Variants in ALDH1L1 observed in about 807,000 individuals in gnomAD.
The protein encoded by ALDH1L1 is aldehyde dehydrogenase 1 family member L1.
Under a neutral mutation model 101.1 loss-of-function variants are expected in ALDH1L1, and 68 were observed. The observed-to-expected ratio is 0.67, with a 90% CI of 0.55 to 0.82. The LOEUF is 0.82. ALDH1L1 is among the 40% of genes least tolerant of loss of function. The probability of loss-of-function intolerance (pLI) is 0.00; values close to 1 mark genes in which losing one functional copy is unlikely to be tolerated. For synonymous variants in ALDH1L1, 486 were observed against 470.8 expected (o/e 1.03, Z -0.42); for missense variants, 1,087 against 1,172.7 (o/e 0.93, Z 1.07).
chr3:126,157,646 A>G (rs543021125), intron 3 of ALDH1L1, 138 bp from the exon 4 acceptor site: 1 of 935,568 alleles, frequency 1.1e-6, no homozygotes, highest in African/African-American at 1.7e-5. Flanking sequence ...TCCGGCGGGA[A>G]ACGGAAGAAG....
At chr3:126,132,146 G>A (rs542431251) in intron 12 of ALDH1L1, among the ~76,000 whole-genome samples, 4 of 152,218 alleles carry the variant, frequency 2.6e-5, no homozygotes, top group Non-Finnish European at 5.9e-5. Flanking sequence ...TGCAGCTGTG[G>A]GCAGCCTGGG....
At chr3:126,197,279 T>G (rs2081586773) in intron 1 of ALDH1L1, among the ~76,000 whole-genome samples, 1 of 152,240 alleles carries the variant, frequency 6.6e-6, no homozygotes, top group Non-Finnish European at 1.5e-5. Flanking sequence ...CAGAAGGAAC[T>G]TGGTTTTCCA....
chr3:126,182,237 C>A (rs926565607), upstream of ALDH1L1, among the ~76,000 whole-genome samples: 4 of 152,186 alleles, frequency 2.6e-5, no homozygotes, highest in African/African-American at 9.7e-5. Flanking sequence ...CCCTCCACCT[C>A]CTAGGTTCAA....
intron 9 of ALDH1L1, among the ~76,000 whole-genome samples, chr3:126,141,201 AG>A (rs1256275163): frequency 1.3e-5 from 2 of 152,154 alleles, no homozygotes; most frequent in African/African-American, 2.4e-5. Flanking sequence ...TGATGCTGCA[AG>A]AGGATATAAC....
chr3:126,191,070 C>T (rs1268316525), intron 1 of ALDH1L1, among the ~76,000 whole-genome samples: 1 of 152,142 alleles, frequency 6.6e-6, no homozygotes, highest in Non-Finnish European at 1.5e-5. Context: ...TTGGGATTAG[C>T]TAATGGAGTG....
intron 22 of ALDH1L1, chr3:126,104,612 A>C (rs1301123522): frequency 6.5e-6 from 1 of 153,004 alleles, no homozygotes. Flanking sequence ...GGACACCAGG[A>C]AGGTGGCCTG....
chr3:126,184,028 C>T (rs373510385), upstream of ALDH1L1, among the ~76,000 whole-genome samples: 1 of 152,150 alleles, frequency 6.6e-6, no homozygotes, highest in East Asian at 1.9e-4. Context: ...AATTCCCCTG[C>T]CTTTGAATGT....
upstream of ALDH1L1, among the ~76,000 whole-genome samples, chr3:126,182,441 C>T (rs1195701634): frequency 6.6e-6 from 1 of 152,250 alleles, no homozygotes; most frequent in East Asian, 1.9e-4. Context: ...GCATGAGCCA[C>T]TGCACCCTGC....
At position 126,110,401 on chromosome 3, in the gene ALDH1L1, T is replaced by C. The variant is rs112201538; in HGVS notation, c.2182-292A>G. 1.9e-4 allele frequency: 84 copies of C among 444,754 alleles called. 1 individual carries two copies. The highest frequency in any genetic ancestry group is 1.5e-3 in the African/African-American group (75 of 50,690). The allele number at this position is 444,754 out of a possible 1,614,324, so 27.6% of individuals were successfully genotyped here. ...GAGGACAGAGGCCGGCATATTTGAC[T>C]AGTTGAGATGGGGCTCAATACAACA... is the stretch of plus-strand genomic sequence containing the variant. On this transcript the variant is annotated intron_variant, in intron 19 of 22. Coordinates refer to ENST00000393434, the MANE Select transcript of ALDH1L1 (RefSeq NM_012190.4).
At chr3:126,186,754 T>G (rs2081521002) in intron 1 of ALDH1L1, among the ~76,000 whole-genome samples, 1 of 151,932 alleles carries the variant, frequency 6.6e-6, no homozygotes, top group Admixed American at 6.6e-5. Context: ...CCAGGCCCCG[T>G]GAAGGGTGGG....
At chr3:126,122,269 TTAGG>T (rs1232106972) in intron 16 of ALDH1L1, among the ~76,000 whole-genome samples, 1 of 152,206 alleles carries the variant, frequency 6.6e-6, no homozygotes, top group Admixed American at 6.5e-5. Context: ...GTAAAGGTAA[TTAGG>T]TAATTATAAA....
chr3:126,169,750 C>T (rs1168671555), intron 1 of ALDH1L1, among the ~76,000 whole-genome samples: 1 of 152,096 alleles, frequency 6.6e-6, no homozygotes, highest in Non-Finnish European at 1.5e-5. Context: ...ATTTAAAAGG[C>T]CTATGTAGCA....
upstream of ALDH1L1, among the ~76,000 whole-genome samples, chr3:126,183,420 G>A (rs2081492359): frequency 6.6e-6 from 1 of 152,170 alleles, no homozygotes; most frequent in African/African-American, 2.4e-5. Flanking sequence ...ATTCTGGGAG[G>A]AAGCAAGCTG....
intron 21 of ALDH1L1, 58 bp downstream of exon 21, chr3:126,107,083 A>G (rs1945901772): frequency 1.4e-6 from 2 of 1,458,608 alleles, no homozygotes; most frequent in Non-Finnish European, 9.6e-7. Context: ...CCACATGAAG[A>G]CCCCAGTAAC....
At chr3:126,187,260 C>T (rs1270514716) in intron 1 of ALDH1L1, among the ~76,000 whole-genome samples, 2 of 150,942 alleles carry the variant, frequency 1.3e-5, no homozygotes, top group South Asian at 4.2e-4. Flanking sequence ...TTCCTAAAAA[C>T]GGGGGGAAGG....
At chr3:126,190,189 T>G (rs2081543908) in intron 1 of ALDH1L1, among the ~76,000 whole-genome samples, 1 of 152,232 alleles carries the variant, frequency 6.6e-6, no homozygotes, top group South Asian at 2.1e-4. Flanking sequence ...AACATGCTGA[T>G]ATCCCATCAA....
At chr3:126,149,934 G>C (rs1026728243) in intron 8 of ALDH1L1, among the ~76,000 whole-genome samples, 5 of 152,190 alleles carry the variant, frequency 3.3e-5, no homozygotes, top group African/African-American at 1.2e-4. Flanking sequence ...ATGTTGAGAA[G>C]ACTGAGTCTT....
intron 8 of ALDH1L1, among the ~76,000 whole-genome samples, 197 bp from the exon 9 acceptor site, chr3:126,147,123 C>T (rs2080709242): frequency 2.0e-5 from 3 of 152,206 alleles, no homozygotes; most frequent in Non-Finnish European, 1.5e-5. Context: ...AAGGAGCTGC[C>T]ACATCCCAGG....
intron 1 of ALDH1L1, among the ~76,000 whole-genome samples, chr3:126,174,455 A>G (rs2081337126): frequency 6.6e-6 from 1 of 152,248 alleles, no homozygotes; most frequent in Non-Finnish European, 1.5e-5. Flanking sequence ...CAGAATACAC[A>G]TTCTTCTCAA....
Sources: allele counts gnomAD v4.1 joint callset (sites outside exome capture counted in the v4.1 genomes callset), GRCh38; gene constraint gnomAD v4.1.1; transcripts MANE v1.5; gene names NCBI Gene and HGNC (gene_info 2026-07-23, HGNC 2026-07-21).